USP15: variants seen among roughly 807,000 people sequenced by gnomAD.
The protein encoded by USP15 is ubiquitin carboxyl-terminal hydrolase 15.
In USP15, 18 loss-of-function variants were observed where a neutral mutation model predicts 127.1. That is an observed-to-expected ratio of 0.14 (90% confidence interval 0.10 to 0.21). The LOEUF is 0.21. Among genes scored for constraint, USP15 ranks in the 10% least tolerant of loss-of-function variants. USP15 has a pLI of 1.00. For synonymous variants in USP15, 364 were observed against 393.7 expected (o/e 0.92, Z 0.89); for missense variants, 805 against 1,159.9 (o/e 0.69, Z 4.44).
intron 1 of USP15, among the ~76,000 whole-genome samples, chr12:62,291,773 T>C (rs1214492725): frequency 6.6e-6 from 1 of 152,208 alleles, no homozygotes. Context: ...ATTTCCTGGT[T>C]TTAGATAGCC....
intron 7 of USP15, among the ~76,000 whole-genome samples, chr12:62,352,764 G>A (rs2065999315): frequency 6.6e-6 from 1 of 151,818 alleles, no homozygotes; most frequent in African/African-American, 2.4e-5. Context: ...TATTTATAAA[G>A]TCAGGTGTCA....
rs558922138 is a variant in USP15, at chr12:62,407,429, C to T, written c.*3054C>T. The stretch of plus-strand genomic sequence containing the variant: ...AGAGCTTTGTAAACTTTATTACACA[C>T]TCACTGATTTCTTCAGTCTAAATAG... On this transcript the variant is annotated 3_prime_UTR_variant, in exon 22 of 22. Coordinates refer to ENST00000280377, the MANE Select transcript of USP15 (RefSeq NM_001252078.2). 2.6e-5 allele frequency: 4 copies of T among 152,172 alleles called. No homozygotes were observed. The highest frequency in any genetic ancestry group is 5.9e-5 in the Non-Finnish European group (4 of 68,012). The allele number at this position is 152,172 out of a possible 1,614,324, so 9.4% of individuals were successfully genotyped here. A position where few individuals can be genotyped will look rare whatever the true frequency, so the allele number is the denominator to read the frequency against.
chr12:62,264,519 C>T (rs2063149486), intron 1 of USP15, among the ~76,000 whole-genome samples: 1 of 152,176 alleles, frequency 6.6e-6, no homozygotes, highest in African/African-American at 2.4e-5. Flanking sequence ...TAGTAGGTAA[C>T]TTTACAGAGT....
chr12:62,413,608 C>T lies in USP15; in HGVS notation c.*9233C>T, dbSNP rs1335082120. 6.6e-6 allele frequency: 1 copy of T among 152,172 alleles called. No homozygotes were observed. The highest frequency in any genetic ancestry group is 1.5e-5 in the Non-Finnish European group (1 of 68,078). The allele number at this position is 152,172 out of a possible 1,614,324, so 9.4% of individuals were successfully genotyped here. On this transcript the variant is annotated 3_prime_UTR_variant, in exon 22 of 22. Coordinates refer to ENST00000280377, the MANE Select transcript of USP15 (RefSeq NM_001252078.2). Reference sequence around the variant, plus strand: ...TGAATCAACCACTGCTAGCTTCAGACTTTTCTTCTGCAGCTTCCTTACCTT... The same window carrying T: ...TGAATCAACCACTGCTAGCTTCAGATTTTTCTTCTGCAGCTTCCTTACCTT...
intron 1 of USP15, chr12:62,274,409 T>C: frequency 1.3e-5 from 1 of 75,716 alleles, no homozygotes; most frequent in South Asian, 4.4e-4. Context: ...CATGTACAAA[T>C]CAGCAACAAC....
chr12:62,401,376 C>A, intron 21 of USP15, 101 bp downstream of exon 21: 1 of 839,628 alleles, frequency 1.2e-6, no homozygotes, highest in Non-Finnish European at 1.8e-6. Context: ...AGTCTATATT[C>A]TAGCAGCTTG....
chr12:62,266,560 G>A (rs1565799365), intron 1 of USP15, among the ~76,000 whole-genome samples: 1 of 152,076 alleles, frequency 6.6e-6, no homozygotes, highest in African/African-American at 2.4e-5. Flanking sequence ...TGAGTTTAGA[G>A]TGATTCTTCT....
In USP15 at chr12:62,355,331, T is replaced by C. The variant is rs1281112974; in HGVS notation, c.771T>C (p.Asn257=). 3 of 1,583,708 alleles carry C rather than the reference T, an allele frequency of 1.9e-6. No homozygotes were observed. Among genetic ancestry groups the C allele is most frequent in the South Asian group, 1.2e-5 (1 of 85,676 alleles). Residue 257 remains asparagine, a splice_region_variant and synonymous_variant, in exon 8 of 22, where the codon AAT becomes AAC. Coordinates refer to ENST00000280377, the MANE Select transcript of USP15 (RefSeq NM_001252078.2). ...SNNYNNMNNR[N]VKNSNYCLPS... ...ATTATGAAAATTTTTTTTCTTCCAG[T>C]GTGAAAAACTCAAATTACTGTCTTC...
chr12:62,375,924 C>T (rs1196817657), intron 8 of USP15, among the ~76,000 whole-genome samples: 1 of 152,154 alleles, frequency 6.6e-6, no homozygotes, highest in Non-Finnish European at 1.5e-5. Context: ...ATCAGCTTTT[C>T]ATAATAGCTC....
chr12:62,378,063 C>T (rs1418106775), intron 8 of USP15, among the ~76,000 whole-genome samples: 1 of 151,480 alleles, frequency 6.6e-6, no homozygotes, highest in South Asian at 2.1e-4. Context: ...AAAAATTAGC[C>T]AGGTGCGGTG....
intron 6 of USP15, chr12:62,327,852 A>T (rs1338755501): frequency 7.7e-6 from 2 of 260,980 alleles, no homozygotes; most frequent in Admixed American, 5.2e-5. Context: ...TTGAATAAGG[A>T]TGCCATATAC....
At chr12:62,338,948 T>TA (rs1287398872) in intron 6 of USP15, among the ~76,000 whole-genome samples, 6 of 152,226 alleles carry the variant, frequency 3.9e-5, no homozygotes, top group African/African-American at 1.4e-4. Context: ...GTCTTGGCTA[T>TA]ACAGGCTCAT....
chr12:62,277,649 G>T (rs940828344), intron 1 of USP15: 15 of 151,018 alleles, frequency 9.9e-5, no homozygotes, highest in African/African-American at 3.7e-4. Context: ...ATCAGAAGAA[G>T]AATTATTGTC....
Position 62,412,218 on chromosome 12 carries a change from C to T in USP15, c.*7843C>T, listed in dbSNP as rs2068055762. On this transcript the variant is annotated 3_prime_UTR_variant, in exon 22 of 22. Transcript: ENST00000280377. ...AGATGTACATGCCTTAATTTTCAAA[C>T]TATTGCCAAAAAATGCTAAATAACC... 1 of 152,300 alleles carries T rather than the reference C, an allele frequency of 6.6e-6. No homozygotes were observed. Among genetic ancestry groups the T allele is most frequent in the East Asian group, 1.9e-4 (1 of 5,174 alleles). 9.4% of individuals were successfully genotyped at this position (152,300 alleles called of 1,614,324 possible). A position where few individuals can be genotyped will look rare whatever the true frequency, so the allele number is the denominator to read the frequency against.
intron 4 of USP15, among the ~76,000 whole-genome samples, chr12:62,319,432 C>T (rs1054235407): frequency 6.6e-6 from 1 of 152,154 alleles, no homozygotes; most frequent in African/African-American, 2.4e-5. Context: ...AAATGTCAGT[C>T]ATATCATGCC....
chr12:62,382,527 T>A (rs2137572957), intron 9 of USP15, among the ~76,000 whole-genome samples: 1 of 152,116 alleles, frequency 6.6e-6, no homozygotes, highest in East Asian at 1.9e-4. Flanking sequence ...GACAAACTAG[T>A]CCAGACAAAC....
chr12:62,277,630 C>T (rs2063530406), intron 1 of USP15: 1 of 151,674 alleles, frequency 6.6e-6, no homozygotes. Context: ...TTTGGCTTCC[C>T]TGGGCCAAAT....
Position 62,286,797 on chromosome 12 carries a change from C to T in USP15, c.90-7382C>T, listed in dbSNP as rs558368990. 6.6e-5 allele frequency among the ~76,000 whole-genome samples: 10 copies of T among 152,068 alleles called. No homozygotes were observed. In the South Asian group the frequency reaches 1.7e-3, roughly 25 times the overall value. ...TATTAAAAATACAAAATTAGCCAGGCGAGGTGGCGCATGCCTGTAATCCCG... is the reference window on the plus strand; with the variant it reads ...TATTAAAAATACAAAATTAGCCAGGTGAGGTGGCGCATGCCTGTAATCCCG... On this transcript the variant is annotated intron_variant, in intron 1 of 21. Transcript: ENST00000280377.
intron 7 of USP15, among the ~76,000 whole-genome samples, chr12:62,351,872 C>T (rs190304514): frequency 1.3e-5 from 2 of 150,708 alleles, no homozygotes; most frequent in East Asian, 1.9e-4. Context: ...CTTAAGCATT[C>T]GTAAAATGGA....
Sources: gnomAD v4.1 joint callset for allele counts (sites outside exome capture counted in the v4.1 genomes callset) on GRCh38, gnomAD v4.1.1 for gene constraint, MANE v1.5 for transcripts, NCBI Gene and HGNC (gene_info 2026-07-23, HGNC 2026-07-21) for gene names.